The following MRRF variants were observed in gnomAD, a reference collection of about 807,000 sequenced individuals.
MRRF encodes the protein ribosome-recycling factor, mitochondrial.
MRRF carries 18 observed loss-of-function variants against 25.1 expected under a neutral mutation model. That is an observed-to-expected ratio of 0.72 (90% confidence interval 0.50 to 1.06). The LOEUF (loss-of-function observed/expected upper bound fraction) is 1.06, where lower values mean the gene tolerates loss of function less well. Among genes scored for constraint, MRRF ranks in the 50% least tolerant of loss-of-function variants. The pLI is 0.00. For synonymous variants in MRRF, 113 were observed against 112.1 expected (o/e 1.01, Z -0.05); for missense variants, 323 against 319.3 (o/e 1.01, Z -0.09).
chr9:122,294,622 A>G (rs1833972518), intron 5 of MRRF, among the ~76,000 whole-genome samples: 1 of 152,180 alleles, frequency 6.6e-6, no homozygotes, highest in African/African-American at 2.4e-5. Flanking sequence ...GTTCTTTATT[A>G]TAGAGGCTGT....
At chr9:122,265,612 G>A (rs1832021953) in intron 1 of MRRF, 2 of 457,812 alleles carry the variant, frequency 4.4e-6, no homozygotes, top group Admixed American at 2.8e-5. Context: ...AAGCTTTATA[G>A]TTGGAAAGAA....
chr9:122,310,348 CA>C (rs754266172), intron 5 of MRRF, among the ~76,000 whole-genome samples: 60 of 152,244 alleles, frequency 3.9e-4, no homozygotes, highest in Non-Finnish European at 6.0e-4. Context: ...TCTTTGGAGC[CA>C]GGGGTTTGTG....
chr9:122,301,800 C>T (rs193056912), intron 5 of MRRF, among the ~76,000 whole-genome samples: 1 of 151,088 alleles, frequency 6.6e-6, no homozygotes, highest in Non-Finnish European at 1.5e-5. Context: ...GTGGCATGAT[C>T]TCGGCTCACT....
intron 5 of MRRF, among the ~76,000 whole-genome samples, chr9:122,300,196 A>G (rs561972883): frequency 6.6e-6 from 1 of 152,316 alleles, no homozygotes; most frequent in East Asian, 1.9e-4. Flanking sequence ...TACCTCTGCC[A>G]TGTGTGGTCA....
chr9:122,305,727 C>T (rs906552126), intron 5 of MRRF, among the ~76,000 whole-genome samples: 3 of 152,196 alleles, frequency 2.0e-5, no homozygotes, highest in African/African-American at 7.2e-5. Context: ...TTATTTTCTT[C>T]ATACACTTTG....
chr9:122,280,390 A>C, intron 2 of MRRF, 53 bp from the exon 3 acceptor site: 1 of 1,600,342 alleles, frequency 6.2e-7, no homozygotes, highest in South Asian at 1.1e-5. Flanking sequence ...CCAATTGCTT[A>C]TTGGCTCTGT....
chr9:122,319,874 A>ATTTTTT (rs975991164), intron 6 of MRRF, among the ~76,000 whole-genome samples: 1 of 129,990 alleles, frequency 7.7e-6, no homozygotes, highest in African/African-American at 3.0e-5. Context: ...ATTTTCATTA[A>ATTTTTT]TTTTTTTTTT....
At chr9:122,306,034 G>GT (rs1299793201) in intron 5 of MRRF, among the ~76,000 whole-genome samples, 4 of 152,118 alleles carry the variant, frequency 2.6e-5, no homozygotes, top group Non-Finnish European at 5.9e-5. Context: ...AGAGGAATGG[G>GT]TTTTTTTGTG....
At chr9:122,285,724 T>G in intron 4 of MRRF, 1 of 1,228,290 alleles carries the variant, frequency 8.1e-7, no homozygotes, top group Non-Finnish European at 1.0e-6. Flanking sequence ...CACAAATTTT[T>G]ATGTGACATC....
chr9:122,284,702 C>T (rs1488581495), intron 3 of MRRF, among the ~76,000 whole-genome samples: 1 of 152,216 alleles, frequency 6.6e-6, no homozygotes, highest in East Asian at 1.9e-4. Flanking sequence ...TCAAGCTTTT[C>T]TATCACGATA....
At chr9:122,320,962 T>C (rs957005774) in intron 6 of MRRF, among the ~76,000 whole-genome samples, 3 of 152,210 alleles carry the variant, frequency 2.0e-5, no homozygotes, top group Admixed American at 6.5e-5. Flanking sequence ...TATTGTGTTT[T>C]TTCATTCTTG....
rs1328481192 is a variant in MRRF, at chr9:122,325,479, C to T, written c.*2862C>T. On this transcript the variant is annotated 3_prime_UTR_variant, in exon 7 of 7. Transcript: ENST00000344641. ...TGGAGCAATTCATTCTCCATCTCTT[C>T]TCTCCTACAGCCTCTCTCAAAAAGA... The T allele has an allele frequency of 6.6e-6, 1 of 152,206 alleles. No homozygotes were observed. The highest frequency in any genetic ancestry group is 1.5e-5 in the Non-Finnish European group (1 of 68,048). The allele number at this position is 152,206 out of a possible 1,614,324, so 9.4% of individuals were successfully genotyped here.
At chr9:122,305,348 T>C (rs1379128850) in intron 5 of MRRF, among the ~76,000 whole-genome samples, 1 of 150,736 alleles carries the variant, frequency 6.6e-6, no homozygotes, top group Non-Finnish European at 1.5e-5. Flanking sequence ...GAGGCAGAGG[T>C]TTGCAGTGAG....
intron 5 of MRRF, among the ~76,000 whole-genome samples, chr9:122,309,063 G>T (rs888339549): frequency 4.6e-5 from 7 of 152,102 alleles, no homozygotes; most frequent in Non-Finnish European, 1.5e-5. Flanking sequence ...CCAGCCCCTG[G>T]TAACTACTAT....
At chr9:122,317,067 A>AATATAT (rs71847269) in intron 6 of MRRF, among the ~76,000 whole-genome samples, 126 of 145,454 alleles carry the variant, frequency 8.7e-4, no homozygotes, top group East Asian at 2.6e-3. Context: ...GGTTGCAGTG[A>AATATAT]ATATATATAT....
In MRRF at chr9:122,329,004, C is replaced by A. The variant is rs1216504520; in HGVS notation, c.*6387C>A. On this transcript the variant is annotated 3_prime_UTR_variant, in exon 7 of 7. Coordinates refer to ENST00000344641, the MANE Select transcript of MRRF (RefSeq NM_138777.5). ...CATTCCTTTCTTCTGGTCTGTGTTT[C>A]AGTCCATCCTACGCTGTTAAGTTAG... 1 of 152,178 alleles carries A rather than the reference C, an allele frequency of 6.6e-6. No homozygotes were observed. The highest frequency in any genetic ancestry group is 1.5e-5 in the Non-Finnish European group (1 of 68,028). 9.4% of individuals were successfully genotyped at this position (152,178 alleles called of 1,614,324 possible).
intron 4 of MRRF, chr9:122,285,983 A>C: frequency 7.7e-7 from 1 of 1,304,054 alleles, no homozygotes; most frequent in Non-Finnish European, 1.0e-6. Flanking sequence ...TTGAAGCTTT[A>C]TGATTTTAAG....
intron 4 of MRRF, chr9:122,285,806 T>C (rs911141505): frequency 7.8e-7 from 1 of 1,282,730 alleles, no homozygotes; most frequent in Non-Finnish European, 1.0e-6. Flanking sequence ...AACAATACTT[T>C]AATGGGCCAA....
At chr9:122,299,423 G>A (rs1394209718) in intron 5 of MRRF, among the ~76,000 whole-genome samples, 1 of 151,950 alleles carries the variant, frequency 6.6e-6, no homozygotes, top group Non-Finnish European at 1.5e-5. Flanking sequence ...CGGAAGAGAA[G>A]ATTTTGTCCA....
Sources: allele counts gnomAD v4.1 joint callset (sites outside exome capture counted in the v4.1 genomes callset), GRCh38; gene constraint gnomAD v4.1.1; transcripts MANE v1.5; gene names NCBI Gene and HGNC (gene_info 2026-07-23, HGNC 2026-07-21).